Variants in IPO8 observed in about 807,000 individuals in gnomAD.
The protein encoded by IPO8 is importin-8.
Under a neutral mutation model 141.2 loss-of-function variants are expected in IPO8, and 65 were observed. The observed-to-expected ratio is 0.46, with a 90% CI of 0.38 to 0.57. The LOEUF is 0.57. IPO8 is among the 20% of genes least tolerant of loss of function. IPO8 has a pLI of 0.00. For missense variants in IPO8, 980 were observed against 1,246.8 expected (o/e 0.79, Z 3.22); for synonymous variants, 411 against 420.3 (o/e 0.98, Z 0.27).
intron 2 of IPO8, among the ~76,000 whole-genome samples, chr12:30,689,648 C>T (rs2053272651): frequency 6.6e-6 from 1 of 152,056 alleles, no homozygotes; most frequent in African/African-American, 2.4e-5. Context: ...GATTATGACC[C>T]ATTTCTCTGA....
At chr12:30,633,671 G>A (rs914888293) in intron 23 of IPO8, among the ~76,000 whole-genome samples, 10 of 152,122 alleles carry the variant, frequency 6.6e-5, no homozygotes, top group South Asian at 4.1e-4. Context: ...ACCCTCTTAC[G>A]GCAGCAATTT....
At position 30,652,975 on chromosome 12, in the gene IPO8, T is replaced by C; in HGVS notation, c.2066A>G (p.Tyr689Cys). Residue 689 changes from tyrosine to cysteine, a missense_variant, in exon 18 of 25, where the codon TAC becomes TGC. Physicochemically the swap from Tyr to Cys is radical, Grantham distance 194. Around this residue, in one of 3 missense-constraint regions of IPO8, gnomAD observed 924 missense variants for 1,153.9 expected, o/e 0.80. Transcript: ENST00000256079. ...YEVFQQDCFE[Y>C]FTDMMPLLHN... Reference sequence around the variant, plus strand: ...TATGGTCAAAGCCATACCTGTAAAGTATTCAAAGCAATCCTGCTGAAACAC... The same window carrying C: ...TATGGTCAAAGCCATACCTGTAAAGCATTCAAAGCAATCCTGCTGAAACAC... 2 of 1,607,636 alleles carry C rather than the reference T, an allele frequency of 1.2e-6. No homozygotes were observed. Among genetic ancestry groups the C allele is most frequent in the Non-Finnish European group, 1.7e-6 (2 of 1,177,560 alleles).
At chr12:30,669,699 A>G (rs2053021739) in intron 9 of IPO8, among the ~76,000 whole-genome samples, 1 of 151,750 alleles carries the variant, frequency 6.6e-6, no homozygotes, top group East Asian at 1.9e-4. Flanking sequence ...CTAGGAGCTC[A>G]GGGCTGCAGT....
chr12:30,693,491 C>T (rs571399611), intron 1 of IPO8, among the ~76,000 whole-genome samples: 56 of 152,254 alleles, frequency 3.7e-4, no homozygotes, highest in Middle Eastern at 3.4e-3. Flanking sequence ...GCTCCCATTC[C>T]CTATGCAGAA....
At chr12:30,664,990 T>A (rs1451338723) in intron 13 of IPO8, among the ~76,000 whole-genome samples, 1 of 152,210 alleles carries the variant, frequency 6.6e-6, no homozygotes, top group Non-Finnish European at 1.5e-5. Context: ...TCCGCCCACC[T>A]CAGCCTCCCA....
chr12:30,652,830 C>T, intron 18 of IPO8, 137 bp downstream of exon 18: 1 of 784,012 alleles, frequency 1.3e-6, no homozygotes, highest in Non-Finnish European at 2.0e-6. Flanking sequence ...GCTACAATAG[C>T]CCCAGCTTTT....
chr12:30,680,514 G>C lies in IPO8; in HGVS notation c.607C>G (p.Gln203Glu). 1.2e-6 allele frequency: 2 copies of C among 1,611,362 alleles called. No homozygotes were observed. Among genetic ancestry groups the C allele is most frequent in the Non-Finnish European group, 8.5e-7 (1 of 1,178,818 alleles). Residue 203 changes from glutamine to glutamate, a missense_variant, in exon 5 of 25, where the codon CAA becomes GAA. Physicochemically the swap from Gln to Glu is conservative, Grantham distance 29. Transcript: ENST00000256079. ...SSYYSVLLQK[Q>E]ILKIFYALVQ... ...AGTGCATAAAAGATTTTCAGAATTT[G>C]TTTCTGCAGTAATACAGAATAATAG...
intron 8 of IPO8, among the ~76,000 whole-genome samples, chr12:30,671,817 C>CA (rs1183017898): frequency 6.0e-5 from 9 of 150,486 alleles, no homozygotes; most frequent in African/African-American, 2.2e-4. Context: ...AAAAGTTGTT[C>CA]AAAAAATAGT....
chr12:30,671,674 CAAAAAA>C, intron 8 of IPO8, among the ~76,000 whole-genome samples: 1 of 56,478 alleles, frequency 1.8e-5, no homozygotes, highest in African/African-American at 7.3e-5. Context: ...GACTCTGCCT[CAAAAAA>C]AAAAAAAAAA....
Position 30,663,614 on chromosome 12 carries a change from T to C in IPO8, c.1469A>G (p.His490Arg), listed in dbSNP as rs762482597. 8.7e-6 allele frequency: 14 copies of C among 1,612,588 alleles called. No individual in the cohort carries two copies. In the South Asian group the frequency reaches 8.8e-5, roughly 10 times the overall value. ...VLHAFSSLKFHNELNLRNAVE... is the reference protein window; with the variant it reads ...VLHAFSSLKFRNELNLRNAVE... ...GGCATTTCTTAGATTGAGCTCATTATGGAACTTCAAAGAACTAAATGCATG... is the reference window on the plus strand; with the variant it reads ...GGCATTTCTTAGATTGAGCTCATTACGGAACTTCAAAGAACTAAATGCATG... The change falls in exon 14 of 25, where the codon CAT becomes CGT. Residue 490 changes from histidine (H) to arginine (R), a missense_variant. This residue lies in a region of IPO8 where 924 missense variants were observed against 1,153.9 expected (regional missense o/e 0.80). Transcript: ENST00000256079.
chr12:30,673,083 C>A (rs893379592), intron 8 of IPO8, among the ~76,000 whole-genome samples: 1 of 152,020 alleles, frequency 6.6e-6, no homozygotes, highest in African/African-American at 2.4e-5. Flanking sequence ...ATGGTGAAAC[C>A]CCACCTCTAC....
intron 7 of IPO8, 148 bp downstream of exon 7, chr12:30,674,511 A>G: frequency 1.5e-6 from 1 of 661,398 alleles, no homozygotes; most frequent in East Asian, 2.5e-5. Flanking sequence ...AAGACCACCC[A>G]CTTCATTATG....
chr12:30,679,799 T>TA (rs1204653597), intron 5 of IPO8, among the ~76,000 whole-genome samples: 1 of 152,176 alleles, frequency 6.6e-6, no homozygotes, highest in African/African-American at 2.4e-5. Context: ...AAGCATGTAA[T>TA]AGAGTTTAAT....
At chr12:30,655,987 G>A (rs960877789) in intron 17 of IPO8, among the ~76,000 whole-genome samples, 3 of 152,154 alleles carry the variant, frequency 2.0e-5, no homozygotes, top group African/African-American at 7.2e-5. Context: ...GTAACATCTA[G>A]CATTAGTTAC....
Position 30,665,777 on chromosome 12 carries a change from T to C in IPO8, c.1290A>G (p.Lys430=), listed in dbSNP as rs150299018. ...LTDPNFDPRK[K]DGALHVIGSL... is the part of the protein sequence containing the mutation. ...AACCAATCACATGCAGGGCTCCATC[T>C]TTCTTCCTAGGGTCAAAGTTCGGGT... Residue 430 remains lysine (K), a synonymous_variant, in exon 12 of 25, where the codon AAA becomes AAG. Transcript: ENST00000256079. 1.2e-4 allele frequency: 196 copies of C among 1,613,824 alleles called. No individual in the cohort carries two copies. In the Middle Eastern group the frequency reaches 4.0e-3, roughly 33 times the overall value.
rs538877492 is a variant in IPO8 at position 30,694,389 on chromosome 12, G to A, written c.84+1175C>T. 1.7e-4 allele frequency among the ~76,000 whole-genome samples: 26 copies of A among 152,146 alleles called. No individual in the cohort carries two copies. In the East Asian group the frequency reaches 3.7e-3, roughly 21 times the overall value. ...TCTTCACTCTCCCTTTTATCTCTGG[G>A]GAATCCTGCATTTATACCTACTCCA... On this transcript the variant is annotated intron_variant, in intron 1 of 24. Transcript: ENST00000256079.
chr12:30,671,674 C>CAA lies in IPO8; in HGVS notation c.910-580_910-579dup, dbSNP rs71052423. On this transcript the variant is annotated intron_variant, in intron 8 of 24. Coordinates refer to ENST00000256079, the MANE Select transcript of IPO8 (RefSeq NM_006390.4). Reference sequence around the variant, plus strand: ...TGGGTGATAGAGCGAGACTCTGCCTCAAAAAAAAAAAAAAAAAAAAAAAAA... The same window carrying CAA: ...TGGGTGATAGAGCGAGACTCTGCCTCAAAAAAAAAAAAAAAAAAAAAAAAAAA... 2.2e-3 allele frequency among the ~76,000 whole-genome samples: 122 copies of CAA among 56,452 alleles called. 4 individuals carry two copies. Among genetic ancestry groups the CAA allele is most frequent in the African/African-American group, 6.6e-3 (90 of 13,626 alleles). 37.0% of individuals were successfully genotyped at this position (56,452 alleles called of 152,430 possible). A position where few individuals can be genotyped will look rare whatever the true frequency, so the allele number is the denominator to read the frequency against.
At chr12:30,666,770 C>T (rs946135638) in intron 10 of IPO8, among the ~76,000 whole-genome samples, 13 of 152,000 alleles carry the variant, frequency 8.6e-5, no homozygotes, top group Non-Finnish European at 1.9e-4. Context: ...AGGGTGTTAG[C>T]AAAAGCCTCT....
intron 5 of IPO8, chr12:30,676,863 T>G (rs1405921012): frequency 3.2e-3 from 4,127 of 1,301,310 alleles, no homozygotes; most frequent in Non-Finnish European, 4.0e-3. Context: ...TTATTCAGCA[T>G]GAGATTCTAA....
Sources: allele counts gnomAD v4.1 joint callset (sites outside exome capture counted in the v4.1 genomes callset), GRCh38; gene constraint gnomAD v4.1.1; regional missense constraint gnomAD v4.1.1; transcripts MANE v1.5; gene names NCBI Gene and HGNC (gene_info 2026-07-23, HGNC 2026-07-21).